PTCHD1: variants seen among roughly 807,000 people sequenced by gnomAD.
PTCHD1 encodes the protein patched domain containing 1.
A neutral mutation model predicts 34.6 loss-of-function variants in PTCHD1; 3 were observed. The observed-to-expected ratio is 0.09, with a 90% CI of 0.04 to 0.22. The LOEUF (loss-of-function observed/expected upper bound fraction) is 0.22. Among genes scored for constraint, PTCHD1 ranks in the 10% least tolerant of loss-of-function variants. The pLI, the probability that PTCHD1 is intolerant of heterozygous loss-of-function variation, is 1.00. For missense variants in PTCHD1, 504 were observed against 685.5 expected (o/e 0.74, Z 2.96); for synonymous variants, 305 against 283.1 (o/e 1.08, Z -0.77).
At chrX:23,334,778 G>GCCGCCGCCGCC (rs1569130225), upstream of PTCHD1, 2 of 246,753 alleles carry the variant, frequency 8.1e-6, no homozygotes, top group African/African-American at 6.6e-5. Flanking sequence ...CCGCCGCCGC[G>GCCGCCGCCGCC]GGCGCCGCTG....
intron 2 of PTCHD1, among the ~76,000 whole-genome samples, chrX:23,390,779 G>C (rs763034659): frequency 8.9e-6 from 1 of 112,112 alleles, no homozygotes; most frequent in Admixed American, 9.4e-5. Context: ...ATAAATACTA[G>C]CTTGGGCATG....
At chrX:23,334,440 C>T (rs1165128739), upstream of PTCHD1, 2 of 110,086 alleles carry the variant, frequency 1.8e-5, no homozygotes. Flanking sequence ...CGCGCCACCC[C>T]GTCGTTGGCC....
At chrX:23,335,356 C>T (rs1921139776) in intron 1 of PTCHD1, 130 bp downstream of exon 1, 1 of 549,633 alleles carries the variant, frequency 1.8e-6, no homozygotes, top group African/African-American at 2.3e-5. Flanking sequence ...CTCTCCTGCA[C>T]CGCGCGCCCC....
intron 1 of PTCHD1, among the ~76,000 whole-genome samples, chrX:23,368,628 G>A (rs767944041): frequency 5.1e-4 from 57 of 111,870 alleles, no homozygotes; most frequent in African/African-American, 1.8e-3. Context: ...TGATACCCAA[G>A]TCCTATAAGA....
In PTCHD1 at chrX:23,393,474, G is replaced by A. The variant is rs1178418831; in HGVS notation, c.1956G>A (p.Lys652=). ...CCTCCAGAATGTTTTTGGTGGCCAA[G>A]ACCATGGAAACAAACAGAGAAGAAC... ...VVASRMFLVA[K]TMETNREELY... Residue 652 remains lysine, a synonymous_variant, in exon 3 of 3, where the codon AAG becomes AAA. Transcript: ENST00000379361. 4 of 1,210,585 alleles carry A rather than the reference G, an allele frequency of 3.3e-6. No homozygotes were observed. Among genetic ancestry groups the A allele is most frequent in the Non-Finnish European group, 4.5e-6 (4 of 894,344 alleles).
At position 23,379,598 on chromosome X, in the gene PTCHD1, C is replaced by G; in HGVS notation, c.359C>G (p.Ala120Gly). ...CATTTTTTTCCCCCACAGTTGCATG[C>G]TGCTGTCACCAAGATCCAGGTTCCA... ...HHTDLILKLH[A>G]AVTKIQVPRP... is the part of the protein sequence containing the mutation. The change falls in exon 2 of 3, where the codon GCT becomes GGT. Residue 120 changes from alanine (A) to glycine (G), a missense_variant. Ala to Gly is a moderately conservative substitution (Grantham distance 60). Transcript: ENST00000379361. 2.5e-6 allele frequency: 3 copies of G among 1,211,263 alleles called. No homozygotes were observed. The highest frequency in any genetic ancestry group is 3.4e-6 in the Non-Finnish European group (3 of 895,007).
At position 23,399,845 on chromosome X, in the gene PTCHD1, A is replaced by T. The variant is rs1923076844; in HGVS notation, c.*5660A>T. ...CACATTCTCACTGTTGCAACAAATTATATATAGCCTCAAATTTTCAGTAAC... is the reference window on the plus strand; with the variant it reads ...CACATTCTCACTGTTGCAACAAATTTTATATAGCCTCAAATTTTCAGTAAC... On this transcript the variant is annotated 3_prime_UTR_variant, in exon 3 of 3. Coordinates refer to ENST00000379361, the MANE Select transcript of PTCHD1 (RefSeq NM_173495.3). The T allele has an allele frequency of 9.0e-6, 1 of 111,720 alleles. No homozygotes were observed. Among genetic ancestry groups the T allele is most frequent in the African/African-American group, 3.3e-5 (1 of 30,679 alleles). 9.2% of individuals were successfully genotyped at this position (111,720 alleles called of 1,213,427 possible). A position where few individuals can be genotyped will look rare whatever the true frequency, so the allele number is the denominator to read the frequency against.
At chrX:23,373,725 A>G (rs769254228) in intron 1 of PTCHD1, among the ~76,000 whole-genome samples, 13 of 112,103 alleles carry the variant, frequency 1.2e-4, no homozygotes, top group Non-Finnish European at 1.9e-5. Context: ...AGCCAGATCC[A>G]TCCACTTCAA....
chrX:23,392,831 G>T lies in PTCHD1; in HGVS notation c.1313G>T (p.Ser438Ile), dbSNP rs777610414. The T allele has an allele frequency of 4.1e-6, 5 of 1,210,594 alleles. No individual in the cohort carries two copies. The African/African-American group carries it at 8.7e-5, about 21-fold the overall frequency. Residue 438 changes from serine to isoleucine, a missense_variant, in exon 3 of 3, where the codon AGT (serine) becomes ATT (isoleucine). Ser to Ile is a moderately radical substitution (Grantham distance 142). Transcript: ENST00000379361. ...TGYIENNYQHSIFCRKVPKPE... is the reference protein window; with the variant it reads ...TGYIENNYQHIIFCRKVPKPE... Reference sequence around the variant, plus strand: ...TACATAGAAAACAATTACCAGCATAGTATCTTCTGTAGAAAAGTCCCAAAG... The same window carrying T: ...TACATAGAAAACAATTACCAGCATATTATCTTCTGTAGAAAAGTCCCAAAG...
chrX:23,369,554 C>T lies in PTCHD1; in HGVS notation c.352-10037C>T, dbSNP rs761281609. ...TTTAAGCTCCTAGAGGCTCAGCTTC[C>T]TCACGCGCAGATGGAGGGGTAATAT... On this transcript the variant is annotated intron_variant, in intron 1 of 2. Transcript: ENST00000379361. Among the ~76,000 whole-genome samples the T allele has an allele frequency of 3.6e-5, 4 of 111,540 alleles. No homozygotes were observed. The South Asian group carries it at 1.5e-3, about 43-fold the overall frequency.
At chrX:23,387,554 A>G (rs1922714856) in intron 2 of PTCHD1, among the ~76,000 whole-genome samples, 1 of 111,926 alleles carries the variant, frequency 8.9e-6, no homozygotes, top group Non-Finnish European at 1.9e-5. Context: ...TTAGATGACA[A>G]CCCCAAAGTG....
At chrX:23,364,700 A>G (rs1205676176) in intron 1 of PTCHD1, among the ~76,000 whole-genome samples, 1 of 112,226 alleles carries the variant, frequency 8.9e-6, no homozygotes, top group Non-Finnish European at 1.9e-5. Context: ...TGTCTCTCCC[A>G]CACACCTACT....
chrX:23,345,236 C>G (rs745876259), intron 1 of PTCHD1, among the ~76,000 whole-genome samples: 5 of 112,259 alleles, frequency 4.5e-5, no homozygotes, highest in Admixed American at 9.4e-5. Context: ...TTCTCTATCC[C>G]TAATCTCTTC....
chrX:23,374,269 A>G (rs1042042898), intron 1 of PTCHD1, among the ~76,000 whole-genome samples: 32 of 84,545 alleles, frequency 3.8e-4, no homozygotes, highest in African/African-American at 1.5e-3. Context: ...CTTTTCAACA[A>G]GAAACAAATA....
chrX:23,358,744 T>C (rs1341582999), intron 1 of PTCHD1, among the ~76,000 whole-genome samples: 1 of 112,207 alleles, frequency 8.9e-6, no homozygotes, highest in Non-Finnish European at 1.9e-5. Flanking sequence ...CTGCATGGTA[T>C]TACCTAAGTT....
chrX:23,362,673 G>A (rs1263343505), intron 1 of PTCHD1, among the ~76,000 whole-genome samples: 1 of 112,104 alleles, frequency 8.9e-6, no homozygotes, highest in East Asian at 2.8e-4. Context: ...TCCGTTGCGG[G>A]TGAGGAGCTG....
At chrX:23,339,221 T>A (rs771908521) in intron 1 of PTCHD1, among the ~76,000 whole-genome samples, 1 of 112,495 alleles carries the variant, frequency 8.9e-6, no homozygotes, top group East Asian at 2.8e-4. Flanking sequence ...ATTTACATAG[T>A]GAAATTTTTA....
chrX:23,403,155 C>A lies in PTCHD1; in HGVS notation c.*8970C>A, dbSNP rs911596932. 1 of 112,049 alleles carries A rather than the reference C, an allele frequency of 8.9e-6. No homozygotes were observed. Among genetic ancestry groups the A allele is most frequent in the South Asian group, 3.7e-4 (1 of 2,693 alleles). 9.2% of individuals were successfully genotyped at this position (112,049 alleles called of 1,213,427 possible). ...TTAAGTTGCTTCCATGGCAATAGAT[C>A]GTAAGACCACAGCTTGTCAAAGTAA... On this transcript the variant is annotated 3_prime_UTR_variant, in exon 3 of 3. Transcript: ENST00000379361.
At position 23,357,195 on chromosome X, in the gene PTCHD1, A is replaced by G. The variant is rs182386561; in HGVS notation, c.351+21969A>G. ...TATTCTCCCACAGAACAGTAAGGAA[A>G]AGACAAAACAGCCTAATATCCAAGG... On this transcript the variant is annotated intron_variant, in intron 1 of 2. Transcript: ENST00000379361. 1.4e-4 allele frequency among the ~76,000 whole-genome samples: 16 copies of G among 112,063 alleles called. No individual in the cohort carries two copies. In the Middle Eastern group the frequency reaches 0.014, roughly 96 times the overall value.
Sources: allele counts gnomAD v4.1 joint callset (sites outside exome capture counted in the v4.1 genomes callset), GRCh38; gene constraint gnomAD v4.1.1; transcripts MANE v1.5; gene names NCBI Gene and HGNC (gene_info 2026-07-23, HGNC 2026-07-21).